The following ZFPM2 variants were observed in gnomAD, a reference collection of about 807,000 sequenced individuals.
The protein encoded by ZFPM2 is zinc finger protein ZFPM2.
A neutral mutation model predicts 98.6 loss-of-function variants in ZFPM2; 20 were observed. That is an observed-to-expected ratio of 0.20 (90% CI 0.14 to 0.29). The LOEUF (loss-of-function observed/expected upper bound fraction) is 0.29. Ranked by LOEUF, ZFPM2 falls within the 10% of genes least tolerant of loss-of-function variation. The pLI is 1.00. For synonymous variants in ZFPM2, 518 were observed against 502.7 expected, an observed-to-expected ratio of 1.03 and a Z score of -0.41; for missense variants, 1,310 against 1,388.6, an observed-to-expected ratio of 0.94 and a Z score of 0.90.
At position 105,801,894 on chromosome 8, in the gene ZFPM2, A is replaced by T. The variant is rs1814031741; in HGVS notation, c.1812A>T (p.Ile604=). ...GTCCCAACACTGGCCAAACCTCCAT[A>T]AACCTTCTCAACCCAGCTGCTCATT... ...ALSPNTGQTS[I]NLLNPAAHSA... is the part of the protein sequence containing the mutation. Residue 604 remains isoleucine, a synonymous_variant, in exon 8 of 8, where the codon ATA becomes ATT. Transcript: ENST00000407775. 2 of 1,613,926 alleles carry T rather than the reference A, an allele frequency of 1.2e-6. No individual in the cohort carries two copies. Among genetic ancestry groups the T allele is most frequent in the East Asian group, 4.5e-5 (2 of 44,866 alleles).
chr8:105,498,888 T>C (rs1813530156), intron 3 of ZFPM2, among the ~76,000 whole-genome samples: 1 of 152,176 alleles, frequency 6.6e-6, no homozygotes, highest in African/African-American at 2.4e-5. Flanking sequence ...CCTACTAATA[T>C]CTGTCTCATG....
intron 3 of ZFPM2, among the ~76,000 whole-genome samples, chr8:105,456,398 CAT>C (rs1025423477): frequency 3.1e-4 from 47 of 151,878 alleles, no homozygotes; most frequent in African/African-American, 9.2e-4. Flanking sequence ...GATAAATAAA[CAT>C]ATAAAATATT....
intron 3 of ZFPM2, among the ~76,000 whole-genome samples, chr8:105,485,582 T>C (rs922385830): frequency 6.6e-6 from 1 of 152,126 alleles, no homozygotes; most frequent in African/African-American, 2.4e-5. Flanking sequence ...GCCTGGATGT[T>C]AGGAGACTAA....
At position 105,393,337 on chromosome 8, in the gene ZFPM2, C is replaced by CTGTCTTTCTTTCTTT. The variant is rs1554600680; in HGVS notation, c.41-25807_41-25806insTGTCTTTCTTTCTTT. Among the ~76,000 whole-genome samples the CTGTCTTTCTTTCTTT allele has an allele frequency of 1.3e-3, 149 of 114,840 alleles. 1 individual carries two copies. The highest frequency in any genetic ancestry group is 4.7e-3 in the Middle Eastern group (1 of 212). 75.3% of individuals were successfully genotyped at this position (114,840 alleles called of 152,430 possible). A position where few individuals can be genotyped will look rare whatever the true frequency, so the allele number is the denominator to read the frequency against. On this transcript the variant is annotated intron_variant, in intron 1 of 7. Coordinates refer to ENST00000407775, the MANE Select transcript of ZFPM2 (RefSeq NM_012082.4). ...TCTTCCTTCCCTCTCTCTCTCTTTG[C>CTGTCTTTCTTTCTTT]CTTTCTTTCTTTCTTTCTTTCTTTC...
intron 2 of ZFPM2, among the ~76,000 whole-genome samples, chr8:105,430,060 C>T (rs544073224): frequency 1.5e-4 from 23 of 152,244 alleles, no homozygotes; most frequent in South Asian, 2.1e-4. Context: ...TTCTGAGGCT[C>T]GTTTGACAGG....
At chr8:105,641,875 A>AG (rs1008192684) in intron 5 of ZFPM2, among the ~76,000 whole-genome samples, 4 of 152,042 alleles carry the variant, frequency 2.6e-5, no homozygotes, top group Admixed American at 6.6e-5. Flanking sequence ...CCTATTTTGG[A>AG]GAAAAAAAAT....
intron 1 of ZFPM2, among the ~76,000 whole-genome samples, chr8:105,416,497 TGAA>T (rs1811682104): frequency 6.6e-6 from 1 of 151,702 alleles, no homozygotes; most frequent in Non-Finnish European, 1.5e-5. Context: ...CTTTTATAAT[TGAA>T]GAGCATCCAG....
At chr8:105,648,198 G>A (rs28851211) in intron 5 of ZFPM2, among the ~76,000 whole-genome samples, 72,188 of 151,894 alleles carry the variant, frequency 0.48, 17,436 homozygotes, top group African/African-American at 0.56. Context: ...GTCTGTTCAT[G>A]TCCTTTGCCC....
At chr8:105,497,847 G>A (rs1813506405) in intron 3 of ZFPM2, among the ~76,000 whole-genome samples, 1 of 151,930 alleles carries the variant, frequency 6.6e-6, no homozygotes, top group South Asian at 2.1e-4. Context: ...TACTGCGAGA[G>A]TAACAATGGC....
chr8:105,729,448 G>A (rs1811881572), intron 5 of ZFPM2, among the ~76,000 whole-genome samples: 1 of 151,358 alleles, frequency 6.6e-6, no homozygotes. Flanking sequence ...ATAAGAGCCT[G>A]GCACAATGCA....
At position 105,802,812 on chromosome 8, in the gene ZFPM2, A is replaced by C. The variant is rs758204610; in HGVS notation, c.2730A>C (p.Glu910Asp). 4 of 1,613,536 alleles carry C rather than the reference A, an allele frequency of 2.5e-6. No homozygotes were observed. The African/African-American group carries it at 5.3e-5, about 22-fold the overall frequency. Residue 910 changes from glutamate to aspartate, a missense_variant, in exon 8 of 8, where the codon GAA (glutamate) becomes GAC (aspartate). Coordinates refer to ENST00000407775, the MANE Select transcript of ZFPM2 (RefSeq NM_012082.4). ...SERNSPDVSY[E>D]RSIIKCEKNG... Reference sequence around the variant, plus strand: ...GAAACAGCCCTGATGTCAGCTACGAAAGAAGCATAATAAAATGTGAGAAAA... The same window carrying C: ...GAAACAGCCCTGATGTCAGCTACGACAGAAGCATAATAAAATGTGAGAAAA...
chr8:105,638,235 A>G (rs910578074), intron 5 of ZFPM2, among the ~76,000 whole-genome samples: 8 of 152,008 alleles, frequency 5.3e-5, no homozygotes, highest in Admixed American at 1.3e-4. Flanking sequence ...CCCTGAACCA[A>G]TTAATCACTA....
intron 1 of ZFPM2, among the ~76,000 whole-genome samples, chr8:105,361,744 T>G (rs529946488): frequency 6.6e-6 from 1 of 152,324 alleles, no homozygotes; most frequent in Admixed American, 6.5e-5. Context: ...CTATATTCAG[T>G]CATGTACTAC....
At chr8:105,333,461 T>C (rs945014846) in intron 1 of ZFPM2, among the ~76,000 whole-genome samples, 60 of 151,900 alleles carry the variant, frequency 3.9e-4, no homozygotes, top group Admixed American at 9.9e-4. Flanking sequence ...TAGCTGCCTA[T>C]CGAGAGGCAA....
chr8:105,457,407 TGAA>T (rs1443169876), intron 3 of ZFPM2, among the ~76,000 whole-genome samples: 7 of 152,340 alleles, frequency 4.6e-5, no homozygotes, highest in African/African-American at 7.2e-5. Flanking sequence ...AAACATTTAT[TGAA>T]GAAGAACTAT....
rs188123547 is a variant in ZFPM2 at position 105,613,292 on chromosome 8, G to C, written c.421-20954G>C. Among the ~76,000 whole-genome samples, 3 of 152,170 alleles carry C rather than the reference G, an allele frequency of 2.0e-5. No homozygotes were observed. The East Asian group carries it at 5.8e-4, about 29-fold the overall frequency. On this transcript the variant is annotated intron_variant, in intron 4 of 7. Transcript: ENST00000407775. Reference sequence around the variant, plus strand: ...GGAGGTGGGTGGTTGAGAATAGACAGGGAAGAAGACGGGGCTGGGAGGAGT... The same window carrying C: ...GGAGGTGGGTGGTTGAGAATAGACACGGAAGAAGACGGGGCTGGGAGGAGT...
At chr8:105,378,442 C>A (rs954072004) in intron 1 of ZFPM2, among the ~76,000 whole-genome samples, 1 of 152,160 alleles carries the variant, frequency 6.6e-6, no homozygotes, top group African/African-American at 2.4e-5. Flanking sequence ...TAACTGCTTT[C>A]TTTTAATATT....
intron 5 of ZFPM2, among the ~76,000 whole-genome samples, chr8:105,719,968 A>G (rs1447909788): frequency 1.3e-5 from 2 of 151,936 alleles, no homozygotes; most frequent in African/African-American, 4.8e-5. Context: ...TTTAGAAATA[A>G]TGGTATCAAG....
intron 3 of ZFPM2, 148 bp from the exon 4 acceptor site, chr8:105,561,215 A>G: frequency 1.5e-6 from 1 of 667,404 alleles, no homozygotes; most frequent in South Asian, 1.9e-5. Context: ...CTCTCAGGTT[A>G]AGATGAGTTG....
Sources: gnomAD v4.1 joint callset for allele counts (sites outside exome capture counted in the v4.1 genomes callset) on GRCh38, gnomAD v4.1.1 for gene constraint, MANE v1.5 for transcripts, NCBI Gene and HGNC (gene_info 2026-07-23, HGNC 2026-07-21) for gene names.